KIF13B: variants seen among roughly 807,000 people sequenced by gnomAD.
KIF13B encodes kinesin-like protein KIF13B.
Under a neutral mutation model 222.0 loss-of-function variants are expected in KIF13B, and 127 were observed. The ratio of observed to expected loss-of-function variants is 0.57; its 90% CI spans 0.50 to 0.66. The LOEUF (loss-of-function observed/expected upper bound fraction) is 0.66, where lower values mean the gene tolerates loss of function less well. Among genes scored for constraint, KIF13B ranks in the 30% least tolerant of loss-of-function variants. The pLI is 0.00. For missense variants in KIF13B, 2,173 were observed against 2,379.0 expected (o/e 0.91, Z 1.80); for synonymous variants, 976 against 919.0 (o/e 1.06, Z -1.12).
intron 21 of KIF13B, among the ~76,000 whole-genome samples, chr8:29,139,095 G>A (rs1810694163): frequency 6.6e-6 from 1 of 152,130 alleles, no homozygotes; most frequent in Non-Finnish European, 1.5e-5. Context: ...GTTGACCACA[G>A]GTGGTAATTG....
intron 35 of KIF13B, among the ~76,000 whole-genome samples, chr8:29,101,203 C>T (rs990758139): frequency 6.6e-6 from 1 of 152,134 alleles, no homozygotes; most frequent in Non-Finnish European, 1.5e-5. Context: ...CTTGTATACC[C>T]GGGGATATCA....
chr8:29,262,105 A>T (rs1816699589), intron 1 of KIF13B, among the ~76,000 whole-genome samples: 1 of 152,132 alleles, frequency 6.6e-6, no homozygotes, highest in Non-Finnish European at 1.5e-5. Flanking sequence ...CAAACACATT[A>T]TCTTATTTAA....
rs373789822 is a variant in KIF13B, at chr8:29,146,442, T to C, written c.2123A>G (p.Asp708Gly). 7 of 1,613,862 alleles carry C rather than the reference T, an allele frequency of 4.3e-6. No individual in the cohort carries two copies. In the African/African-American group the frequency reaches 8.0e-5, roughly 18 times the overall value. Residue 708 changes from aspartate (D) to glycine (G), a missense_variant, in exon 18 of 40, where the codon GAT becomes GGT. Around this residue, in one of 2 missense-constraint regions of KIF13B, gnomAD observed 1,480 missense variants for 1,722.8 expected, o/e 0.86. Coordinates refer to ENST00000524189, the MANE Select transcript of KIF13B (RefSeq NM_015254.4). ...GGTAACTTTGTATTCTGTTCTTTTA[T>C]CCAGCTCCTCAGCAATGTAATTAGC... is the stretch of plus-strand genomic sequence containing the variant. ...REANYIAEEL[D>G]KRTEYKVTLQ... is the part of the protein sequence containing the mutation.
intron 2 of KIF13B, among the ~76,000 whole-genome samples, chr8:29,213,387 T>C (rs1586933958): frequency 6.6e-6 from 1 of 152,332 alleles, no homozygotes; most frequent in African/African-American, 2.4e-5. Flanking sequence ...ATTTTATAAA[T>C]GAGGGAAGTG....
chr8:29,235,159 T>C (rs1206180930), intron 2 of KIF13B, among the ~76,000 whole-genome samples: 1 of 152,150 alleles, frequency 6.6e-6, no homozygotes, highest in Non-Finnish European at 1.5e-5. Context: ...CCTAGCTCTA[T>C]AATGGCTTAA....
chr8:29,217,673 C>T (rs146032414), intron 2 of KIF13B, among the ~76,000 whole-genome samples: 129 of 152,322 alleles, frequency 8.5e-4, no homozygotes, highest in African/African-American at 2.9e-3. Flanking sequence ...CTTTTAGCTA[C>T]AGCAGCAAGA....
At chr8:29,169,939 C>T (rs1431120323) in intron 10 of KIF13B, among the ~76,000 whole-genome samples, 1 of 152,178 alleles carries the variant, frequency 6.6e-6, no homozygotes, top group Admixed American at 6.5e-5. Context: ...ACGATAACTA[C>T]CAAAGGAGAA....
intron 2 of KIF13B, among the ~76,000 whole-genome samples, chr8:29,227,205 C>T (rs1815064300): frequency 6.6e-6 from 1 of 151,736 alleles, no homozygotes; most frequent in Admixed American, 6.5e-5. Flanking sequence ...ATAGTCAATC[C>T]TCATCTCAAG....
intron 29 of KIF13B, among the ~76,000 whole-genome samples, chr8:29,122,380 G>T (rs1315601782): frequency 1.3e-5 from 2 of 152,216 alleles, no homozygotes; most frequent in African/African-American, 4.8e-5. Context: ...GAGAGGTGAG[G>T]AGTATGGTGA....
chr8:29,194,357 A>G (rs571115931), intron 3 of KIF13B, among the ~76,000 whole-genome samples: 1 of 150,326 alleles, frequency 6.7e-6, no homozygotes, highest in East Asian at 2.0e-4. Flanking sequence ...CTTATTCCCA[A>G]TTTGAGTCGA....
At chr8:29,168,439 C>T (rs1282372173) in intron 10 of KIF13B, among the ~76,000 whole-genome samples, 1 of 152,260 alleles carries the variant, frequency 6.6e-6, no homozygotes, top group African/African-American at 2.4e-5. Context: ...CTGGCGCCCA[C>T]ACCCTAGTAC....
At chr8:29,261,978 C>G (rs1816696307) in intron 1 of KIF13B, among the ~76,000 whole-genome samples, 1 of 152,216 alleles carries the variant, frequency 6.6e-6, no homozygotes, top group South Asian at 2.1e-4. Context: ...GAAGCTACAA[C>G]TTTGTCTCTG....
intron 1 of KIF13B, among the ~76,000 whole-genome samples, chr8:29,254,617 C>T (rs1286510349): frequency 6.6e-6 from 1 of 152,158 alleles, no homozygotes; most frequent in Non-Finnish European, 1.5e-5. Flanking sequence ...ACCTCATACC[C>T]ACTAGGATAG....
At chr8:29,081,642 T>C (rs1233656259) in intron 37 of KIF13B, among the ~76,000 whole-genome samples, 4 of 152,228 alleles carry the variant, frequency 2.6e-5, no homozygotes, top group African/African-American at 7.2e-5. Context: ...ATGACAGTAT[T>C]TTCAATACAC....
At chr8:29,188,110 T>C (rs1317011250) in intron 5 of KIF13B, among the ~76,000 whole-genome samples, 2 of 152,232 alleles carry the variant, frequency 1.3e-5, no homozygotes, top group Non-Finnish European at 2.9e-5. Context: ...TTTTCTTTTC[T>C]TGACCACAGA....
Position 29,228,472 on chromosome 8 carries a change from A to AAAAAAAAAAAAAAATATATAT in KIF13B, c.149+16873_149+16874insATATATATTTTTTTTTTTTTT. Among the ~76,000 whole-genome samples, 47 of 117,064 alleles carry AAAAAAAAAAAAAAATATATAT rather than the reference A, an allele frequency of 4.0e-4. 1 individual carries two copies. The highest frequency in any genetic ancestry group is 1.0e-3 in the African/African-American group (32 of 30,726). The allele number at this position is 117,064 out of a possible 152,430, so 76.8% of individuals were successfully genotyped here. ...ACAGAGCCAGACTCCATCTTAAAAA[A>AAAAAAAAAAAAAAATATATAT]ATATATATATATATATATGAGATAC... is the stretch of plus-strand genomic sequence containing the variant. On this transcript the variant is annotated intron_variant, in intron 2 of 39. Coordinates refer to ENST00000524189, the MANE Select transcript of KIF13B (RefSeq NM_015254.4).
At chr8:29,143,959 A>AT (rs548162929) in intron 18 of KIF13B, among the ~76,000 whole-genome samples, 236 of 151,864 alleles carry the variant, frequency 1.6e-3, no homozygotes, top group Non-Finnish European at 2.5e-3. Flanking sequence ...AGCAATGTGG[A>AT]TTTTTTTCAG....
At chr8:29,103,363 G>A (rs760534505) in intron 35 of KIF13B, among the ~76,000 whole-genome samples, 37 of 151,964 alleles carry the variant, frequency 2.4e-4, no homozygotes, top group South Asian at 6.2e-4. Context: ...AAAGACCAAC[G>A]ACACGCCGAA....
At chr8:29,138,655 T>C (rs1810671472) in intron 21 of KIF13B, 1 of 152,200 alleles carries the variant, frequency 6.6e-6, no homozygotes, top group Admixed American at 6.5e-5. Context: ...AACACCTGTA[T>C]ACCTAACTAC....
Sources: gnomAD v4.1 joint callset for allele counts (sites outside exome capture counted in the v4.1 genomes callset) on GRCh38, gnomAD v4.1.1 for gene constraint, gnomAD v4.1.1 regional missense constraint, MANE v1.5 for transcripts, NCBI Gene and HGNC (gene_info 2026-07-23, HGNC 2026-07-21) for gene names.